Variants in UPF3B observed in about 807,000 individuals in gnomAD.
The protein encoded by UPF3B is UPF3B regulator of nonsense mediated mRNA decay.
UPF3B carries 7 observed loss-of-function variants against 40.3 expected under a neutral mutation model. The observed-to-expected ratio is 0.17, with a 90% CI of 0.10 to 0.33. The LOEUF is 0.33. Among genes scored for constraint, UPF3B ranks in the 10% least tolerant of loss-of-function variants. The probability of loss-of-function intolerance (pLI) is 1.00; values close to 1 mark genes in which losing one functional copy is unlikely to be tolerated. For missense variants in UPF3B, 229 were observed against 358.9 expected (o/e 0.64, Z 2.93); for synonymous variants, 117 against 117.3 (o/e 1.00, Z 0.01).
At chrX:119,826,252 G>A (rs1010884565) in intron 3 of UPF3B, among the ~76,000 whole-genome samples, 1 of 111,002 alleles carries the variant, frequency 9.0e-6, no homozygotes. Context: ...AGGTCTAGGT[G>A]GGTGGAAAAA....
intron 4 of UPF3B, among the ~76,000 whole-genome samples, chrX:119,822,325 G>A (rs1252253729): frequency 1.8e-5 from 2 of 112,303 alleles, no homozygotes; most frequent in Admixed American, 9.5e-5. Flanking sequence ...GCTTCAAAGC[G>A]ACTCTGCTCC....
intron 6 of UPF3B, among the ~76,000 whole-genome samples, chrX:119,805,702 C>A (rs2055784733): frequency 9.1e-6 from 1 of 110,344 alleles, no homozygotes; most frequent in African/African-American, 3.3e-5. Context: ...CAAAAGAAGA[C>A]ATTTATGCAG....
intron 4 of UPF3B, among the ~76,000 whole-genome samples, chrX:119,818,367 C>A (rs1397264329): frequency 1.8e-5 from 2 of 111,877 alleles, no homozygotes; most frequent in Non-Finnish European, 3.8e-5. Flanking sequence ...GAGGCCAAGG[C>A]GGGCGGGTCA....
At chrX:119,830,889 A>C (rs2056029688), downstream of UPF3B, among the ~76,000 whole-genome samples, 1 of 112,208 alleles carries the variant, frequency 8.9e-6, no homozygotes, top group Admixed American at 9.5e-5. Flanking sequence ...ATAGAACAAG[A>C]TCGGAACAAG....
Position 119,834,791 on chromosome X carries a change from T to G in UPF3B, c.*87A>C. On this transcript the variant is annotated 3_prime_UTR_variant, in exon 11 of 11. Coordinates refer to ENST00000276201, the MANE Select transcript of UPF3B (RefSeq NM_080632.3). ...GCACAGCGGCTCCCTTTCTCTCTAT[T>G]CTTTGCCCTGAAGGCACCTCTGGAT... The G allele has an allele frequency of 8.3e-7, 1 of 1,208,820 alleles. No homozygotes were observed. Among genetic ancestry groups the G allele is most frequent in the Non-Finnish European group, 1.1e-6 (1 of 895,376 alleles).
chrX:119,816,259 G>C (rs1320335482), intron 4 of UPF3B, among the ~76,000 whole-genome samples: 2 of 111,591 alleles, frequency 1.8e-5, no homozygotes, highest in Non-Finnish European at 3.8e-5. Context: ...CTCTCCTGTG[G>C]TTTCACCAAT....
At chrX:119,811,632 G>A (rs1440215272) in intron 5 of UPF3B, among the ~76,000 whole-genome samples, 2 of 82,831 alleles carry the variant, frequency 2.4e-5, no homozygotes, top group Non-Finnish European at 4.6e-5. Flanking sequence ...GTGACAGAGT[G>A]AGACTCAGTC....
intron 10 of UPF3B, 123 bp downstream of exon 10, chrX:119,837,634 A>T: frequency 1.4e-6 from 1 of 738,803 alleles, no homozygotes; most frequent in Non-Finnish European, 2.0e-6. Flanking sequence ...AAAAAAAAAA[A>T]AGTTGCAGAT....
At chrX:119,819,842 C>CTTTT (rs34094727) in intron 4 of UPF3B, among the ~76,000 whole-genome samples, 1 of 68,642 alleles carries the variant, frequency 1.5e-5, no homozygotes, top group African/African-American at 6.0e-5. Flanking sequence ...TCTATTTTTC[C>CTTTT]TTTTTTTTTT....
At chrX:119,814,414 T>C (rs2055846823) in intron 5 of UPF3B, among the ~76,000 whole-genome samples, 1 of 112,585 alleles carries the variant, frequency 8.9e-6, no homozygotes, top group Non-Finnish European at 1.9e-5. Flanking sequence ...GATACGGAAG[T>C]AACATGACTA....
rs371138286 is a variant in UPF3B at position 119,838,361 on chromosome X, A to G, written c.1007+6T>C. On this transcript the variant is annotated splice_donor_region_variant and intron_variant, in intron 9 of 10. Coordinates refer to ENST00000276201, the MANE Select transcript of UPF3B (RefSeq NM_080632.3). ...CAAACATAACAAAGAGTCCTTGACT[A>G]CTGACCTCTTTGGTTTTTCATCTTT... 5.8e-6 allele frequency: 7 copies of G among 1,209,151 alleles called. No individual in the cohort carries two copies. The East Asian group carries it at 1.5e-4, about 26-fold the overall frequency.
chrX:119,825,220 G>A (rs1221963588), intron 3 of UPF3B, among the ~76,000 whole-genome samples: 4 of 111,775 alleles, frequency 3.6e-5, no homozygotes, highest in Non-Finnish European at 7.5e-5. Flanking sequence ...CATGGCAGAA[G>A]GGAAAGCGGG....
At chrX:119,825,698 C>G (rs2055971517) in intron 3 of UPF3B, among the ~76,000 whole-genome samples, 1 of 111,562 alleles carries the variant, frequency 9.0e-6, no homozygotes, top group Non-Finnish European at 1.9e-5. Context: ...ATGGTAAAAT[C>G]ACTGATGCTT....
In UPF3B at chrX:119,843,117, A is replaced by C. The variant is rs753301271; in HGVS notation, c.580+74T>G. ...GTAACTTCCCTGAAGTCACACAGCT[A>C]GCAACTGATGGAGGTAGGAGACTTA... On this transcript the variant is annotated intron_variant, in intron 5 of 10. Coordinates refer to ENST00000276201, the MANE Select transcript of UPF3B (RefSeq NM_080632.3). The C allele has an allele frequency of 5.7e-6, 4 of 698,161 alleles. No homozygotes were observed. The East Asian group carries it at 9.7e-5, about 17-fold the overall frequency. The allele number at this position is 698,161 out of a possible 1,213,427, so 57.5% of individuals were successfully genotyped here.
rs780440881 is a variant in UPF3B, at chrX:119,834,465, C to T, written c.*413G>A. 89 of 839,150 alleles carry T rather than the reference C, an allele frequency of 1.1e-4. No homozygotes were observed. The highest frequency in any genetic ancestry group is 1.2e-4 in the Non-Finnish European group (85 of 693,974). 69.2% of individuals were successfully genotyped at this position (839,150 alleles called of 1,213,427 possible). On this transcript the variant is annotated 3_prime_UTR_variant, in exon 11 of 11. Coordinates refer to ENST00000276201, the MANE Select transcript of UPF3B (RefSeq NM_080632.3). ...CATCAACAATACAATAGAATTAGATCGGAACAAGGCTTCAAAGCGACTCTG... is the reference window on the plus strand; with the variant it reads ...CATCAACAATACAATAGAATTAGATTGGAACAAGGCTTCAAAGCGACTCTG...
intron 2 of UPF3B, 64 bp from the exon 3 acceptor site, chrX:119,851,665 A>G: frequency 1.0e-6 from 1 of 991,587 alleles, no homozygotes; most frequent in Non-Finnish European, 1.4e-6. Context: ...ACAAGTATGC[A>G]TATATTAAAG....
intron 3 of UPF3B, among the ~76,000 whole-genome samples, chrX:119,826,285 G>A (rs2428211): frequency 0.054 from 5,937 of 110,362 alleles, 345 homozygotes; most frequent in African/African-American, 0.18. Context: ...GTTTGAGACC[G>A]GCCTCGCCAA....
rs2055834259 is a variant in UPF3B at position 119,812,476 on chromosome X, A to AT, written c.602+2723dup. Among the ~76,000 whole-genome samples the AT allele has an allele frequency of 6.3e-5, 7 of 111,145 alleles. No homozygotes were observed. The South Asian group carries it at 2.7e-3, about 42-fold the overall frequency. ...GCCCCATAATTCTAGGGCATCAGTGATTTGCAAGTCACTGAATGCCATGGC... is the reference window on the plus strand; with the variant it reads ...GCCCCATAATTCTAGGGCATCAGTGATTTTGCAAGTCACTGAATGCCATGGC... On this transcript the variant is annotated intron_variant, in intron 5 of 6. Coordinates refer to the UPF3B transcript ENST00000636792.
chrX:119,837,683 C>T (rs948494343), intron 10 of UPF3B, 74 bp downstream of exon 10: 5 of 1,035,260 alleles, frequency 4.8e-6, no homozygotes, highest in East Asian at 3.0e-5. Flanking sequence ...AATAACAGTG[C>T]CCTTTACACT....
Sources: gnomAD v4.1 joint callset for allele counts (sites outside exome capture counted in the v4.1 genomes callset) on GRCh38, gnomAD v4.1.1 for gene constraint, MANE v1.5 for transcripts, NCBI Gene and HGNC (gene_info 2026-07-23, HGNC 2026-07-21) for gene names.